NCEH1: variants seen among roughly 807,000 people sequenced by gnomAD.
NCEH1 encodes 2-acetyl MAGE hydrolase.
NCEH1 carries 9 observed loss-of-function variants against 25.4 expected under a neutral mutation model. The ratio of observed to expected loss-of-function variants is 0.35; its 90% CI spans 0.21 to 0.62. The LOEUF (loss-of-function observed/expected upper bound fraction) is 0.62. NCEH1 is among the 20% of genes least tolerant of loss of function. The pLI, the probability that NCEH1 is intolerant of heterozygous loss-of-function variation, is 0.72. For missense variants in NCEH1, 412 were observed against 501.1 expected (o/e 0.82, Z 1.70); for synonymous variants, 200 against 199.8 (o/e 1.00, Z -0.01).
rs1269453403 is a variant in NCEH1, at chr3:172,635,945, C to T, written c.580G>A (p.Gly194Arg). 6.2e-7 allele frequency: 1 copy of T among 1,614,050 alleles called. No homozygotes were observed. The highest frequency in any genetic ancestry group is 2.2e-5 in the East Asian group (1 of 44,896). ...TGTCCAAGGGCAGCAGCCAGATTTC[C>T]ACCAGCACTGTCACCAGAAATGCAA... ...RICISGDSAG[G>R]NLAAALGQQF... Residue 194 changes from glycine to arginine, a missense_variant, in exon 4 of 5, where the codon GGA becomes AGA. This residue lies in a region of NCEH1 where 24 missense variants were observed against 53.8 expected (regional missense o/e 0.45). Transcript: ENST00000475381.
intron 3 of NCEH1, among the ~76,000 whole-genome samples, chr3:172,644,136 G>A (rs1209754604): frequency 6.6e-6 from 1 of 151,698 alleles, no homozygotes; most frequent in Non-Finnish European, 1.5e-5. Context: ...GGTGACTCTA[G>A]GGCTTTTGAG....
rs752343293 is a variant in NCEH1 at position 172,633,749 on chromosome 3, T to C, written c.953A>G (p.Gln318Arg). The part of the protein sequence containing the change: ...GNARIVQELP[Q>R]LLDARSAPLI... ...TGGGGCGGAGCGGGCATCCAGCAAC[T>C]GAGGAAGCTCCTGGACAATCCTGGC... The change falls in exon 5 of 5, where the codon CAG becomes CGG. Residue 318 changes from glutamine to arginine, a missense_variant. Transcript: ENST00000475381. 5.6e-6 allele frequency: 9 copies of C among 1,614,080 alleles called. No homozygotes were observed. Among genetic ancestry groups the C allele is most frequent in the Non-Finnish European group, 6.8e-6 (8 of 1,180,042 alleles).
intron 1 of NCEH1, among the ~76,000 whole-genome samples, chr3:172,648,436 T>A (rs1258972719): frequency 6.6e-6 from 1 of 152,140 alleles, no homozygotes; most frequent in Admixed American, 6.6e-5. Context: ...CAGGATTCAG[T>A]ACCTTTTTTT....
chr3:172,653,744 G>GTTGTTGCTTTTTTTTTTT (rs1717534237), intron 1 of NCEH1, among the ~76,000 whole-genome samples: 2 of 95,676 alleles, frequency 2.1e-5, no homozygotes, highest in African/African-American at 8.4e-5. Flanking sequence ...TGTTTTTTTT[G>GTTGTTGCTTTTTTTTTTT]TTTTTTTGTT....
chr3:172,634,106 A>G lies in NCEH1; in HGVS notation c.610-14T>C. 1 of 1,605,276 alleles carries G rather than the reference A, an allele frequency of 6.2e-7. No homozygotes were observed. Among genetic ancestry groups the G allele is most frequent in the Non-Finnish European group, 8.5e-7 (1 of 1,176,136 alleles). On this transcript the variant is annotated splice_polypyrimidine_tract_variant and intron_variant, in intron 4 of 4. Coordinates refer to ENST00000475381, the MANE Select transcript of NCEH1 (RefSeq NM_020792.6). ...ATCTTGAGTAAACTAGAGAAGAGGA[A>G]GCAAATACATTATTTCATTTTGCAT...
At chr3:172,707,262 G>A (rs915955882) in intron 1 of NCEH1, among the ~76,000 whole-genome samples, 2 of 152,152 alleles carry the variant, frequency 1.3e-5, no homozygotes, top group African/African-American at 2.4e-5. Context: ...CCTGCTGCCT[G>A]ATCATCTAAA....
At chr3:172,647,123 T>G (rs1041397228) in intron 2 of NCEH1, among the ~76,000 whole-genome samples, 2 of 151,560 alleles carry the variant, frequency 1.3e-5, no homozygotes, top group Non-Finnish European at 1.5e-5. Flanking sequence ...TAAAAAAAAA[T>G]CACATAATGA....
At chr3:172,690,967 T>TTTTTTTTTTTTTTTTTG (rs1713001010) in intron 1 of NCEH1, among the ~76,000 whole-genome samples, 1 of 152,144 alleles carries the variant, frequency 6.6e-6, no homozygotes, top group Admixed American at 6.5e-5. Flanking sequence ...GGGAAATTTT[T>TTTTTTTTTTTTTTTTTG]AAAGCAGCTA....
At chr3:172,685,907 TAC>T (rs555667704) in intron 1 of NCEH1, among the ~76,000 whole-genome samples, 3 of 152,348 alleles carry the variant, frequency 2.0e-5, no homozygotes, top group African/African-American at 7.2e-5. Flanking sequence ...GAAGGAAAAC[TAC>T]AGAGCAGCCT....
At chr3:172,654,240 G>A (rs1285228461) in intron 1 of NCEH1, among the ~76,000 whole-genome samples, 2 of 152,122 alleles carry the variant, frequency 1.3e-5, no homozygotes, top group African/African-American at 4.8e-5. Context: ...ACCAGCACTG[G>A]GCCCCTGGGC....
At chr3:172,692,880 G>C (rs1250840925) in intron 1 of NCEH1, among the ~76,000 whole-genome samples, 4 of 152,202 alleles carry the variant, frequency 2.6e-5, no homozygotes, top group South Asian at 2.1e-4. Context: ...AGAAACTCCA[G>C]AGCAGTAGCT....
chr3:172,674,984 A>C (rs1418259045), intron 1 of NCEH1, among the ~76,000 whole-genome samples: 3 of 152,242 alleles, frequency 2.0e-5, no homozygotes, highest in African/African-American at 7.2e-5. Flanking sequence ...AGCTATGAAA[A>C]AAAGGTTATA....
intron 1 of NCEH1, among the ~76,000 whole-genome samples, chr3:172,662,193 G>A (rs1215386067): frequency 1.3e-4 from 20 of 152,146 alleles, no homozygotes; most frequent in Admixed American, 1.3e-3. Flanking sequence ...GTTGAATTTT[G>A]TCAAAGGCTT....
At chr3:172,662,463 G>A (rs148230292) in intron 1 of NCEH1, among the ~76,000 whole-genome samples, 85 of 152,284 alleles carry the variant, frequency 5.6e-4, no homozygotes, top group African/African-American at 1.9e-3. Context: ...TTAGGTATCA[G>A]GATGATGCTG....
chr3:172,710,905 A>C lies in NCEH1; in HGVS notation c.80T>G (p.Val27Gly). ...CAGCATCAGCTTCCAGGGGTCGGACACGGAGCCAGGCAGCGGGATGTAGAC... is the reference window on the plus strand; with the variant it reads ...CAGCATCAGCTTCCAGGGGTCGGACCCGGAGCCAGGCAGCGGGATGTAGAC... ...YYVYIPLPGSVSDPWKLMLLD... is the reference protein window; with the variant it reads ...YYVYIPLPGSGSDPWKLMLLD... The change falls in exon 1 of 5, where the codon GTG becomes GGG. Residue 27 changes from valine (V) to glycine (G), a missense_variant. Physicochemically the swap from Val to Gly is moderately radical, Grantham distance 109 (BLOSUM62 -3). Coordinates refer to ENST00000475381, the MANE Select transcript of NCEH1 (RefSeq NM_020792.6). The C allele has an allele frequency of 6.2e-7, 1 of 1,614,126 alleles. No homozygotes were observed. The highest frequency in any genetic ancestry group is 8.5e-7 in the Non-Finnish European group (1 of 1,179,986).
chr3:172,656,532 C>T (rs1013456957), intron 1 of NCEH1, among the ~76,000 whole-genome samples: 2 of 152,086 alleles, frequency 1.3e-5, no homozygotes, highest in Non-Finnish European at 2.9e-5. Flanking sequence ...TTTGGGAGGC[C>T]GAGGCAGGTG....
rs1716301241 is a variant in NCEH1, at chr3:172,630,583, A to G, written c.*2892T>C. ...AAAGAATTGTGGCTGGCAATTTGGC[A>G]TACAGAAAGAAGAGAAGAGAACACT... is the stretch of plus-strand genomic sequence containing the variant. On this transcript the variant is annotated 3_prime_UTR_variant, in exon 5 of 5. Coordinates refer to ENST00000475381, the MANE Select transcript of NCEH1 (RefSeq NM_020792.6). 1 of 152,266 alleles carries G rather than the reference A, an allele frequency of 6.6e-6. No individual in the cohort carries two copies. Among genetic ancestry groups the G allele is most frequent in the African/African-American group, 2.4e-5 (1 of 41,466 alleles). 9.4% of individuals were successfully genotyped at this position (152,266 alleles called of 1,614,324 possible). A position where few individuals can be genotyped will look rare whatever the true frequency, so the allele number is the denominator to read the frequency against.
At position 172,710,848 on chromosome 3, in the gene NCEH1, A is replaced by G; in HGVS notation, c.137T>C (p.Val46Ala). Residue 46 changes from valine (V) to alanine (A), a missense_variant and splice_region_variant, in exon 1 of 5, where the codon GTG (valine) becomes GCG (alanine). Val to Ala is a moderately conservative substitution (Grantham distance 64, BLOSUM62 0). Transcript: ENST00000475381. The part of the protein sequence containing the change: ...LDATFRGAQQ[V>A]SNLIHYLGLS... ...AAGCAGCGCTGGGCTGCACCTCACCACTTGCTGTGCACCCCGGAAAGTGGC... is the reference window on the plus strand; with the variant it reads ...AAGCAGCGCTGGGCTGCACCTCACCGCTTGCTGTGCACCCCGGAAAGTGGC... The G allele has an allele frequency of 6.2e-7, 1 of 1,613,924 alleles. No individual in the cohort carries two copies. Among genetic ancestry groups the G allele is most frequent in the Non-Finnish European group, 8.5e-7 (1 of 1,179,952 alleles).
chr3:172,637,280 A>G (rs1367643892), intron 3 of NCEH1, among the ~76,000 whole-genome samples: 3 of 152,200 alleles, frequency 2.0e-5, no homozygotes, highest in Non-Finnish European at 2.9e-5. Context: ...GATTTGCAAA[A>G]ACTCAAAAAC....
Sources: allele counts gnomAD v4.1 joint callset (sites outside exome capture counted in the v4.1 genomes callset), GRCh38; gene constraint gnomAD v4.1.1; regional missense constraint gnomAD v4.1.1; transcripts MANE v1.5; gene names NCBI Gene and HGNC (gene_info 2026-07-23, HGNC 2026-07-21).